LGR5: variants seen among roughly 807,000 people sequenced by gnomAD.
The protein encoded by LGR5 is leucine rich repeat containing G protein-coupled receptor 5.
Under a neutral mutation model 76.7 loss-of-function variants are expected in LGR5, and 54 were observed. The ratio of observed to expected loss-of-function variants is 0.70; its 90% confidence interval spans 0.57 to 0.88. The LOEUF (loss-of-function observed/expected upper bound fraction) is 0.88, where lower values mean the gene tolerates loss of function less well. Among genes scored for constraint, LGR5 ranks in the 40% least tolerant of loss-of-function variants. The pLI, the probability that LGR5 is intolerant of heterozygous loss-of-function variation, is 0.00. For synonymous variants in LGR5, 406 were observed against 421.9 expected (o/e 0.96, Z 0.46); for missense variants, 1,078 against 1,073.3 (o/e 1.00, Z -0.06).
chr12:71,549,961 TCA>T (rs1465943630), intron 4 of LGR5, among the ~76,000 whole-genome samples: 1 of 152,158 alleles, frequency 6.6e-6, no homozygotes, highest in African/African-American at 2.4e-5. Context: ...GAAACGTGAT[TCA>T]TAAAAGATAT....
At chr12:71,529,779 A>C (rs547351901) in intron 3 of LGR5, among the ~76,000 whole-genome samples, 2 of 152,168 alleles carry the variant, frequency 1.3e-5, no homozygotes, top group Non-Finnish European at 2.9e-5. Context: ...AACATGCTGA[A>C]ACCTCATCTC....
chr12:71,472,355 A>G (rs1006729727), intron 1 of LGR5, among the ~76,000 whole-genome samples: 7 of 152,320 alleles, frequency 4.6e-5, no homozygotes, highest in African/African-American at 1.7e-4. Context: ...AAACAAGGAA[A>G]CTGATGCAAA....
In LGR5 at chr12:71,543,870, A is replaced by C. The variant is rs139967938; in HGVS notation, c.428+8684A>C. Among the ~76,000 whole-genome samples, 543 of 152,344 alleles carry C rather than the reference A, an allele frequency of 3.6e-3. 4 individuals are homozygous for C. The highest frequency in any genetic ancestry group is 0.012 in the African/African-American group (511 of 41,582). ...CTGGAAGGCAATGGAAGATTCAAAA[A>C]TGACCCCTAGATTTTAAACCCTGGT... On this transcript the variant is annotated intron_variant, in intron 4 of 17. Transcript: ENST00000266674.
At chr12:71,497,364 G>A (rs1358487418) in intron 1 of LGR5, among the ~76,000 whole-genome samples, 1 of 125,100 alleles carries the variant, frequency 8.0e-6, no homozygotes, top group South Asian at 2.6e-4. Flanking sequence ...AAGAAAGGAA[G>A]GAAGGAAGGA....
chr12:71,469,700 G>T (rs530035537), intron 1 of LGR5, among the ~76,000 whole-genome samples: 13 of 152,292 alleles, frequency 8.5e-5, no homozygotes, highest in African/African-American at 2.9e-4. Context: ...ACTTCAGTCG[G>T]CCACACCTCC....
At chr12:71,451,629 G>A (rs1872252905) in intron 1 of LGR5, among the ~76,000 whole-genome samples, 1 of 152,088 alleles carries the variant, frequency 6.6e-6, no homozygotes, top group Admixed American at 6.6e-5. Flanking sequence ...AACCCACTTT[G>A]ATCATAGTGC....
chr12:71,526,202 AT>A (rs1353707523), intron 3 of LGR5, among the ~76,000 whole-genome samples: 1 of 152,118 alleles, frequency 6.6e-6, no homozygotes, highest in Non-Finnish European at 1.5e-5. Flanking sequence ...CCAATGCTGT[AT>A]GTTTATTAAT....
intron 1 of LGR5, among the ~76,000 whole-genome samples, chr12:71,456,793 C>G (rs1451034521): frequency 1.3e-5 from 2 of 152,074 alleles, no homozygotes; most frequent in Non-Finnish European, 1.5e-5. Context: ...AATTCGGCAA[C>G]AAGGAATAGC....
intron 2 of LGR5, among the ~76,000 whole-genome samples, chr12:71,521,051 C>T (rs1208541810): frequency 2.6e-5 from 4 of 152,190 alleles, no homozygotes; most frequent in Non-Finnish European, 5.9e-5. Flanking sequence ...TTCTTCCCAA[C>T]TTACACTGAC....
chr12:71,553,718 T>A (rs1877613027), intron 5 of LGR5, among the ~76,000 whole-genome samples: 1 of 152,166 alleles, frequency 6.6e-6, no homozygotes, highest in Non-Finnish European at 1.5e-5. Context: ...TGAGAACAAA[T>A]GATGTAACTG....
chr12:71,515,708 G>C (rs1875402259), intron 2 of LGR5, among the ~76,000 whole-genome samples: 1 of 152,318 alleles, frequency 6.6e-6, no homozygotes, highest in Non-Finnish European at 1.5e-5. Context: ...TTTATAGACT[G>C]TATGCCCTCT....
At chr12:71,504,712 TC>T in intron 2 of LGR5, 27 bp downstream of exon 2, 1 of 1,524,482 alleles carries the variant, frequency 6.6e-7, no homozygotes, top group Non-Finnish European at 9.1e-7. Context: ...TCTTGATGCA[TC>T]CAGTCAACAC....
At chr12:71,552,363 G>A (rs1050179649) in intron 4 of LGR5, among the ~76,000 whole-genome samples, 2 of 152,064 alleles carry the variant, frequency 1.3e-5, no homozygotes, top group African/African-American at 2.4e-5. Context: ...TCAGGAGTTC[G>A]AGACCAACCT....
intron 1 of LGR5, among the ~76,000 whole-genome samples, chr12:71,478,774 C>T (rs1291541102): frequency 6.6e-6 from 1 of 152,092 alleles, no homozygotes; most frequent in African/African-American, 2.4e-5. Flanking sequence ...ATATTTTATT[C>T]TTTTGGAGAA....
chr12:71,468,844 G>A (rs1872969645), intron 1 of LGR5, among the ~76,000 whole-genome samples: 1 of 151,134 alleles, frequency 6.6e-6, no homozygotes. Context: ...TATTCAGAAG[G>A]TACTCATAAT....
intron 6 of LGR5, 147 bp from the exon 7 acceptor site, chr12:71,559,439 C>CCCAAAAA: frequency 1.7e-6 from 1 of 576,966 alleles, no homozygotes; most frequent in South Asian, 2.4e-5. Flanking sequence ...GTCAGCAAGC[C>CCCAAAAA]AAGAAAATCT....
At chr12:71,516,348 A>C in intron 2 of LGR5, among the ~76,000 whole-genome samples, 1 of 152,178 alleles carries the variant, frequency 6.6e-6, no homozygotes, top group Non-Finnish European at 1.5e-5. Flanking sequence ...TCAAGAAGAA[A>C]TTTGTGCAAG....
At chr12:71,501,759 T>C (rs534936251) in intron 1 of LGR5, among the ~76,000 whole-genome samples, 1 of 152,348 alleles carries the variant, frequency 6.6e-6, no homozygotes, top group East Asian at 1.9e-4. Flanking sequence ...TTTTTAGTAA[T>C]CAATTTTTAT....
chr12:71,573,876 A>T (rs1878727610), intron 13 of LGR5, among the ~76,000 whole-genome samples: 1 of 150,024 alleles, frequency 6.7e-6, no homozygotes, highest in African/African-American at 2.5e-5. Context: ...CCCTTCTCTC[A>T]CTTTTGGTTG....
Sources: gnomAD v4.1 joint callset for allele counts (sites outside exome capture counted in the v4.1 genomes callset) on GRCh38, gnomAD v4.1.1 for gene constraint, MANE v1.5 for transcripts, NCBI Gene and HGNC (gene_info 2026-07-23, HGNC 2026-07-21) for gene names.